Variants in PRKG2 observed in about 807,000 individuals in gnomAD.
PRKG2 encodes cGMP-dependent protein kinase 2.
Under a neutral mutation model 97.2 loss-of-function variants are expected in PRKG2, and 33 were observed. That is an observed-to-expected ratio of 0.34 (90% CI 0.26 to 0.45). The LOEUF is 0.45. Ranked by LOEUF, PRKG2 falls within the 20% of genes least tolerant of loss-of-function variation. The pLI, the probability that PRKG2 is intolerant of heterozygous loss-of-function variation, is 1.00. For missense variants in PRKG2, 638 were observed against 900.0 expected, an observed-to-expected ratio of 0.71 and a Z score of 3.73; for synonymous variants, 330 against 321.8, an observed-to-expected ratio of 1.03 and a Z score of -0.27.
chr4:81,187,456 C>T (rs969657313), intron 2 of PRKG2, among the ~76,000 whole-genome samples: 4 of 147,638 alleles, frequency 2.7e-5, no homozygotes, highest in African/African-American at 4.9e-5. Context: ...CAATGAACTA[C>T]GAGCGTATCT....
At chr4:81,118,473 G>A (rs939713408) in intron 14 of PRKG2, among the ~76,000 whole-genome samples, 2 of 152,162 alleles carry the variant, frequency 1.3e-5, no homozygotes, top group African/African-American at 4.8e-5. Flanking sequence ...TGTTGCCATT[G>A]TTCTAGAATT....
At chr4:81,197,411 T>C (rs989111988) in intron 2 of PRKG2, among the ~76,000 whole-genome samples, 1 of 152,168 alleles carries the variant, frequency 6.6e-6, no homozygotes, top group Admixed American at 6.5e-5. Context: ...AATAACCAAT[T>C]TGGAACCAAG....
At chr4:81,178,800 G>A (rs1050737739) in intron 2 of PRKG2, among the ~76,000 whole-genome samples, 7 of 151,910 alleles carry the variant, frequency 4.6e-5, no homozygotes, top group Admixed American at 4.6e-4. Context: ...TAATTGAGCT[G>A]AAACAATATA....
chr4:81,140,602 G>A lies in PRKG2; in HGVS notation c.1475C>T (p.Thr492Ile). Residue 492 changes from threonine to isoleucine, a missense_variant, in exon 12 of 19, where the codon ACC (threonine) becomes ATC (isoleucine). Physicochemically the swap from Thr to Ile is moderately conservative, Grantham distance 89 (BLOSUM62 -1). Coordinates refer to ENST00000264399, the MANE Select transcript of PRKG2 (RefSeq NM_006259.3). ...KCIRKKHIVD[T>I]KQQEHVYSEK... ...TGAGTAGACATGCTCCTGCTGCTTG[G>A]TGTCAACTATGTGCTTCTTCCTTAT... 1.2e-6 allele frequency: 2 copies of A among 1,612,930 alleles called. No individual in the cohort carries two copies. Among genetic ancestry groups the A allele is most frequent in the South Asian group, 2.2e-5 (2 of 90,986 alleles).
chr4:81,155,311 G>A (rs535292280), intron 6 of PRKG2, among the ~76,000 whole-genome samples: 12,584 of 151,684 alleles, frequency 0.083, 1,781 homozygotes, highest in African/African-American at 0.29. Flanking sequence ...GATGCGATCA[G>A]CTGGAAGAAA....
Position 81,110,428 on chromosome 4 carries a change from T to C in PRKG2, c.1940+20A>G, listed in dbSNP as rs72871770. ...GCATTTCTCTGAAGAGGTGGCTGCA[T>C]AAAACTTGAAGGTACATACTTGCCC... On this transcript the variant is annotated intron_variant, in intron 15 of 18. Coordinates refer to ENST00000264399, the MANE Select transcript of PRKG2 (RefSeq NM_006259.3). 159 of 1,597,072 alleles carry C rather than the reference T, an allele frequency of 1.0e-4. No homozygotes were observed. The African/African-American group carries it at 2.0e-3, about 20-fold the overall frequency.
At chr4:81,119,802 G>A (rs1439934610) in intron 14 of PRKG2, among the ~76,000 whole-genome samples, 1 of 151,824 alleles carries the variant, frequency 6.6e-6, no homozygotes, top group African/African-American at 2.4e-5. Flanking sequence ...AGCCTCCCGA[G>A]TAGCTGGGGC....
chr4:81,181,557 T>C (rs1751412860), intron 2 of PRKG2, among the ~76,000 whole-genome samples: 1 of 151,084 alleles, frequency 6.6e-6, no homozygotes, highest in Non-Finnish European at 1.5e-5. Flanking sequence ...AAAAGAAATA[T>C]AATGAAGAGA....
chr4:81,092,435 T>G lies in PRKG2; in HGVS notation c.2144A>C (p.Asn715Thr). The G allele has an allele frequency of 6.4e-7, 1 of 1,568,352 alleles. No individual in the cohort carries two copies. Reference sequence around the variant, plus strand: ...GCTCCGTGCTTTCAGTCCCTCCCAATTAAAACCATTTAACCACCTGAGAAA... The same window carrying G: ...GCTCCGTGCTTTCAGTCCCTCCCAAGTAAAACCATTTAACCACCTGAGAAA... ...IKKHRWLNGF[N>T]WEGLKARSLP... Residue 715 changes from asparagine to threonine, a missense_variant, in exon 18 of 19, where the codon AAT becomes ACT. By Grantham distance (65) the Asn-to-Thr change is moderately conservative. This residue lies in a region of PRKG2 where 304 missense variants were observed against 460.5 expected (regional missense o/e 0.66). Coordinates refer to ENST00000264399, the MANE Select transcript of PRKG2 (RefSeq NM_006259.3).
At chr4:81,166,528 G>T (rs1750003810) in intron 6 of PRKG2, among the ~76,000 whole-genome samples, 1 of 152,102 alleles carries the variant, frequency 6.6e-6, no homozygotes, top group Admixed American at 6.6e-5. Context: ...CAAGGTACAT[G>T]TCGTAAAAGC....
intron 6 of PRKG2, among the ~76,000 whole-genome samples, chr4:81,166,641 G>A (rs1453213937): frequency 6.6e-6 from 1 of 152,060 alleles, no homozygotes; most frequent in African/African-American, 2.4e-5. Context: ...TTTCCCCCTA[G>A]ATGTTAAAAT....
In PRKG2 at chr4:81,135,244, C is replaced by T; in HGVS notation, c.1687G>A (p.Ala563Thr). ...CCTAGTCGATGCAGGTAATCAAATG[C>T]TTCTGTCACACAAGCAACGCAGAAT... ...SKFCVACVTE[A>T]FDYLHRLGII... The change falls in exon 14 of 19, where the codon GCA (alanine) becomes ACA (threonine). Residue 563 changes from alanine to threonine, a missense_variant. Ala to Thr is a moderately conservative substitution (Grantham distance 58). This residue lies in a region of PRKG2 where 304 missense variants were observed against 460.5 expected (regional missense o/e 0.66). Transcript: ENST00000264399. The T allele has an allele frequency of 6.2e-7, 1 of 1,613,190 alleles. No individual in the cohort carries two copies. The highest frequency in any genetic ancestry group is 8.5e-7 in the Non-Finnish European group (1 of 1,179,428).
intron 14 of PRKG2, among the ~76,000 whole-genome samples, chr4:81,130,919 C>T (rs1340803517): frequency 1.3e-5 from 2 of 152,192 alleles, no homozygotes; most frequent in Non-Finnish European, 2.9e-5. Context: ...GCTTGCTTGT[C>T]CCCATGGGGG....
At chr4:81,188,601 T>G (rs1164571460) in intron 2 of PRKG2, among the ~76,000 whole-genome samples, 1 of 132,974 alleles carries the variant, frequency 7.5e-6, no homozygotes, top group Non-Finnish European at 1.5e-5. Context: ...CTATTCACAA[T>G]AGCAAAGACG....
Position 81,133,248 on chromosome 4 carries a change from G to A in PRKG2, c.1776+1907C>T, listed in dbSNP as rs577302022. On this transcript the variant is annotated intron_variant, in intron 14 of 18. Transcript: ENST00000264399. ...TATTCCTCTACCAAGAGCCAATAAT[G>A]AGAAAAGCATGTTTCTTTGCATGTA... Among the ~76,000 whole-genome samples, 37 of 152,244 alleles carry A rather than the reference G, an allele frequency of 2.4e-4. 2 individuals are homozygous for A. In the South Asian group the frequency reaches 7.0e-3, roughly 29 times the overall value.
intron 16 of PRKG2, among the ~76,000 whole-genome samples, 154 bp from the exon 17 acceptor site, chr4:81,104,586 G>C (rs943790399): frequency 6.6e-6 from 1 of 151,798 alleles, no homozygotes; most frequent in African/African-American, 2.4e-5. Context: ...CTGTAGACCA[G>C]ACATCTGAGT....
At chr4:81,099,330 C>T (rs920910661) in intron 17 of PRKG2, among the ~76,000 whole-genome samples, 7 of 151,926 alleles carry the variant, frequency 4.6e-5, no homozygotes, top group Non-Finnish European at 8.8e-5. Flanking sequence ...ACTGGCAAAC[C>T]GAATCCAGCA....
intron 6 of PRKG2, among the ~76,000 whole-genome samples, chr4:81,158,795 A>T (rs142302444): frequency 0.098 from 14,935 of 152,192 alleles, 990 homozygotes; most frequent in Middle Eastern, 0.2. Context: ...ATAACGTCAC[A>T]TATCTACAAC....
At position 81,089,938 on chromosome 4, in the gene PRKG2, G is replaced by T. The variant is rs915969010; in HGVS notation, c.2194-135C>A. The T allele has an allele frequency of 5.8e-6, 4 of 686,880 alleles. No homozygotes were observed. In the Middle Eastern group the frequency reaches 1.6e-3, roughly 266 times the overall value. The allele number at this position is 686,880 out of a possible 1,614,324, so 42.5% of individuals were successfully genotyped here. ...TGGAAGTTACATACAAGAAAAAAAT[G>T]ACCAATTATCATTCTTGAGTCCTAG... is the stretch of plus-strand genomic sequence containing the variant. On this transcript the variant is annotated intron_variant, in intron 18 of 18. Coordinates refer to ENST00000264399, the MANE Select transcript of PRKG2 (RefSeq NM_006259.3).
Sources: gnomAD v4.1 joint callset for allele counts (sites outside exome capture counted in the v4.1 genomes callset) on GRCh38, gnomAD v4.1.1 for gene constraint, gnomAD v4.1.1 regional missense constraint, MANE v1.5 for transcripts, NCBI Gene and HGNC (gene_info 2026-07-23, HGNC 2026-07-21) for gene names.